GHR: variants seen among roughly 807,000 people sequenced by gnomAD.
GHR encodes growth hormone receptor, also known as GH receptor.
In GHR, 35 loss-of-function variants were observed where a neutral mutation model predicts 67.1. The observed-to-expected ratio is 0.52, with a 90% CI of 0.40 to 0.69. The LOEUF is 0.69. Ranked by LOEUF, GHR falls within the 30% of genes least tolerant of loss-of-function variation. The pLI is 0.00. For missense variants in GHR, 792 were observed against 764.6 expected (o/e 1.04, Z -0.42); for synonymous variants, 272 against 269.1 (o/e 1.01, Z -0.10).
In GHR at chr5:42,688,008, A is replaced by C. The variant is rs146836591; in HGVS notation, c.137-882A>C. ...GGAATTTTGGCTAAATTCCTAACAC[A>C]TGAGAGGCATTCTGCACTTACTTCT... On this transcript the variant is annotated intron_variant, in intron 3 of 9. Transcript: ENST00000230882. Among the ~76,000 whole-genome samples, 360 of 152,358 alleles carry C rather than the reference A, an allele frequency of 2.4e-3. 3 individuals are homozygous for C. The highest frequency in any genetic ancestry group is 7.5e-3 in the African/African-American group (313 of 41,578).
In GHR at chr5:42,424,752, G is replaced by C. The variant is rs367635194; in HGVS notation, c.-12+797G>C. 1.2e-3 allele frequency among the ~76,000 whole-genome samples: 186 copies of C among 152,350 alleles called. No homozygotes were observed. The highest frequency in any genetic ancestry group is 4.4e-3 in the African/African-American group (182 of 41,588). ...GGGAGAGGGCGCTGGCGGCGCAGAG[G>C]GTGCGGGGCAGGGCACTTGCGAGTG... On this transcript the variant is annotated intron_variant, in intron 1 of 9. Coordinates refer to ENST00000230882, the MANE Select transcript of GHR (RefSeq NM_000163.5). The surrounding 1 kb of genome is among the most constrained non-coding windows in gnomAD (Gnocchi z 4.1).
intron 3 of GHR, among the ~76,000 whole-genome samples, chr5:42,675,212 G>A (rs1756512437): frequency 6.6e-6 from 1 of 152,112 alleles, no homozygotes; most frequent in East Asian, 1.9e-4. Context: ...TCCTAAGTCA[G>A]TTCTTCTTCA....
At chr5:42,616,880 C>A (rs1019623913) in intron 2 of GHR, among the ~76,000 whole-genome samples, 3 of 151,828 alleles carry the variant, frequency 2.0e-5, no homozygotes, top group African/African-American at 4.8e-5. Flanking sequence ...GGGTCAAATG[C>A]CTCTGAGAAG....
chr5:42,495,029 G>C (rs1746262255), intron 1 of GHR, among the ~76,000 whole-genome samples: 2 of 151,836 alleles, frequency 1.3e-5, no homozygotes, highest in South Asian at 4.2e-4. Flanking sequence ...CCTCCATGTT[G>C]TATTATTTCA....
At chr5:42,468,050 C>T (rs1045953672) in intron 1 of GHR, 2 of 864,996 alleles carry the variant, frequency 2.3e-6, no homozygotes, top group Non-Finnish European at 1.9e-6. Flanking sequence ...CTGGATTCTT[C>T]CTAATATGAT....
chr5:42,598,642 C>A (rs903491017), intron 2 of GHR, among the ~76,000 whole-genome samples: 1 of 152,152 alleles, frequency 6.6e-6, no homozygotes, highest in Non-Finnish European at 1.5e-5. Context: ...CTTTTATCAC[C>A]TAAGTTACTG....
chr5:42,705,243 A>G (rs578196668), intron 6 of GHR, among the ~76,000 whole-genome samples: 28 of 151,706 alleles, frequency 1.8e-4, no homozygotes, highest in Non-Finnish European at 2.7e-4. Context: ...TGGTTTCTTC[A>G]GGTAAAATGT....
At chr5:42,694,760 C>G (rs1049765842) in intron 4 of GHR, among the ~76,000 whole-genome samples, 157 bp from the exon 5 acceptor site, 10 of 152,186 alleles carry the variant, frequency 6.6e-5, no homozygotes, top group African/African-American at 2.4e-4. Flanking sequence ...ATACTGTCCA[C>G]TGATGTGATA....
intron 1 of GHR, among the ~76,000 whole-genome samples, chr5:42,480,468 T>C (rs899143025): frequency 2.0e-5 from 3 of 152,200 alleles, no homozygotes; most frequent in African/African-American, 7.2e-5. Context: ...CGTTGATCTG[T>C]CTAATGTTGA....
chr5:42,682,284 T>C (rs1756922894), intron 3 of GHR, among the ~76,000 whole-genome samples: 1 of 152,238 alleles, frequency 6.6e-6, no homozygotes, highest in South Asian at 2.1e-4. Context: ...TCAGAGGTGC[T>C]ATAAATGGAT....
At chr5:42,708,121 G>A (rs1758271008) in intron 6 of GHR, among the ~76,000 whole-genome samples, 1 of 152,036 alleles carries the variant, frequency 6.6e-6, no homozygotes, top group African/African-American at 2.4e-5. Context: ...AGTACAAAAA[G>A]TTCATCAGTA....
chr5:42,432,908 A>T (rs1352565879), intron 1 of GHR, among the ~76,000 whole-genome samples: 1 of 152,244 alleles, frequency 6.6e-6, no homozygotes, highest in Non-Finnish European at 1.5e-5. Context: ...GGTGGCCTTA[A>T]TATGTAGTAA....
chr5:42,476,935 G>T (rs1266422710), intron 1 of GHR, among the ~76,000 whole-genome samples: 1 of 151,954 alleles, frequency 6.6e-6, no homozygotes, highest in Non-Finnish European at 1.5e-5. Flanking sequence ...ACAACGTGCA[G>T]GTTTGTTACA....
At chr5:42,459,460 A>G (rs1744395685) in intron 1 of GHR, among the ~76,000 whole-genome samples, 2 of 152,190 alleles carry the variant, frequency 1.3e-5, no homozygotes. Flanking sequence ...GAAGCTAAAC[A>G]TTGGGTACAT....
At chr5:42,502,077 G>A (rs1376513322) in intron 1 of GHR, among the ~76,000 whole-genome samples, 2 of 152,142 alleles carry the variant, frequency 1.3e-5, no homozygotes, top group Non-Finnish European at 2.9e-5. Flanking sequence ...TAAAAACTCC[G>A]TGGGTGGGAG....
chr5:42,625,996 G>A (rs1753681653), intron 2 of GHR, among the ~76,000 whole-genome samples: 1 of 134,546 alleles, frequency 7.4e-6, no homozygotes, highest in African/African-American at 3.1e-5. Flanking sequence ...AATATACAAG[G>A]TCAAATAAAA....
At chr5:42,621,666 A>C (rs564094286) in intron 2 of GHR, among the ~76,000 whole-genome samples, 5 of 152,164 alleles carry the variant, frequency 3.3e-5, no homozygotes, top group Non-Finnish European at 5.9e-5. Flanking sequence ...GTATTTAAAC[A>C]TGTGCTTTTT....
chr5:42,466,282 CA>C (rs34613459), intron 1 of GHR, among the ~76,000 whole-genome samples: 41,004 of 151,952 alleles, frequency 0.27, 5,978 homozygotes, highest in African/African-American at 0.33. Flanking sequence ...TATCAAGGTT[CA>C]GGGGGTATAG....
chr5:42,569,676 A>G (rs1212367872), intron 2 of GHR, among the ~76,000 whole-genome samples: 2 of 152,164 alleles, frequency 1.3e-5, no homozygotes, highest in Non-Finnish European at 2.9e-5. Flanking sequence ...TAATATTTAC[A>G]TACAACATAT....
Sources: gnomAD v4.1 joint callset for allele counts (sites outside exome capture counted in the v4.1 genomes callset) on GRCh38, gnomAD v4.1.1 for gene constraint, Gnocchi (gnomAD v3.1) non-coding constraint, MANE v1.5 for transcripts, NCBI Gene and HGNC (gene_info 2026-07-23, HGNC 2026-07-21) for gene names.